Variants in WLS observed in about 807,000 individuals in gnomAD.
The protein encoded by WLS is Wnt ligand secretion mediator, also known as protein wntless homolog.
A neutral mutation model predicts 62.8 loss-of-function variants in WLS; 23 were observed. That is an observed-to-expected ratio of 0.37 (90% CI 0.26 to 0.52). The LOEUF is 0.52. WLS is among the 20% of genes least tolerant of loss of function. The pLI is 0.92. For missense variants in WLS, 615 were observed against 697.3 expected (o/e 0.88, Z 1.33); for synonymous variants, 246 against 244.1 (o/e 1.01, Z -0.07).
chr1:68,138,115 G>C, intron 10 of WLS, 182 bp from the exon 11 acceptor site: 1 of 710,320 alleles, frequency 1.4e-6, no homozygotes, highest in South Asian at 2.0e-5. Context: ...GTCAACTGAA[G>C]GTTCTCTAGC....
rs188091924 is a variant in WLS, at chr1:68,160,314, T to C, written c.380-1067A>G. On this transcript the variant is annotated intron_variant, in intron 2 of 11. Transcript: ENST00000262348. ...TTCTAAAAGTTGAGCAACTTTGTTTTTTTTTAATTGACTTAGCTCTAACCC... is the reference window on the plus strand; with the variant it reads ...TTCTAAAAGTTGAGCAACTTTGTTTCTTTTTAATTGACTTAGCTCTAACCC... 4.8e-4 allele frequency among the ~76,000 whole-genome samples: 73 copies of C among 152,296 alleles called. No individual in the cohort carries two copies. The East Asian group carries it at 0.013, about 28-fold the overall frequency.
intron 2 of WLS, among the ~76,000 whole-genome samples, chr1:68,178,944 G>T (rs948300107): frequency 6.6e-6 from 1 of 152,046 alleles, no homozygotes; most frequent in Non-Finnish European, 1.5e-5. Flanking sequence ...AACTCTTTGA[G>T]GTTATTTATA....
intron 2 of WLS, chr1:68,163,239 GT>G: frequency 1.8e-6 from 1 of 558,572 alleles, no homozygotes; most frequent in Non-Finnish European, 3.1e-6. Flanking sequence ...TAAATCTATA[GT>G]TCACACGATG....
intron 11 of WLS, among the ~76,000 whole-genome samples, chr1:68,127,756 C>T (rs1447164543): frequency 6.6e-6 from 1 of 152,146 alleles, no homozygotes; most frequent in Non-Finnish European, 1.5e-5. Context: ...ATTGAAATGC[C>T]ATACCATAAC....
At chr1:68,122,993 CA>C, downstream of WLS, among the ~76,000 whole-genome samples, 1 of 152,282 alleles carries the variant, frequency 6.6e-6, no homozygotes, top group East Asian at 1.9e-4. Context: ...CTCTTGGTCC[CA>C]AAACTCTGAT....
At chr1:68,165,362 C>G (rs1386207632) in intron 2 of WLS, among the ~76,000 whole-genome samples, 2 of 152,086 alleles carry the variant, frequency 1.3e-5, no homozygotes, top group Non-Finnish European at 2.9e-5. Context: ...AGAAGACTCC[C>G]AAGTGAAGGG....
intron 4 of WLS, 76 bp downstream of exon 4, chr1:68,155,023 G>T (rs1468519967): frequency 2.1e-6 from 3 of 1,449,908 alleles, no homozygotes; most frequent in East Asian, 2.4e-5. Context: ...GATGAGACAG[G>T]TGAGGCATAG....
intron 10 of WLS, among the ~76,000 whole-genome samples, chr1:68,140,460 G>A (rs1646669867): frequency 6.6e-6 from 1 of 152,088 alleles, no homozygotes; most frequent in Non-Finnish European, 1.5e-5. Context: ...TGTATAGTAT[G>A]CACTATATAT....
At chr1:68,100,892 G>GCACATGGGACACATGC (rs1646068356) in intron 11 of WLS, 1 of 152,174 alleles carries the variant, frequency 6.6e-6, no homozygotes, top group Non-Finnish European at 1.5e-5. Context: ...AGCCCACCAT[G>GCACATGGGACACATGC]AACATGGGAC....
chr1:68,124,645 G>A (rs967191216), downstream of WLS, among the ~76,000 whole-genome samples: 4 of 152,184 alleles, frequency 2.6e-5, no homozygotes, highest in East Asian at 7.7e-4. Flanking sequence ...TGGATATTGA[G>A]TGCACAGGAT....
chr1:68,228,844 A>C (rs1313266733), intron 1 of WLS, among the ~76,000 whole-genome samples: 1 of 11,558 alleles, frequency 8.7e-5, no homozygotes, highest in Non-Finnish European at 2.7e-4. Context: ...ACTGGTGCCA[A>C]AAAAAAAAAA....
At chr1:68,200,847 A>G (rs1648974153) in intron 1 of WLS, among the ~76,000 whole-genome samples, 1 of 152,176 alleles carries the variant, frequency 6.6e-6, no homozygotes, top group South Asian at 2.1e-4. Context: ...ACTTATATAA[A>G]ACATATTGAG....
At chr1:68,109,364 T>A (rs2100319932) in intron 11 of WLS, among the ~76,000 whole-genome samples, 1 of 152,272 alleles carries the variant, frequency 6.6e-6, no homozygotes, top group African/African-American at 2.4e-5. Context: ...TAAAATATGA[T>A]CAATGAAATA....
intron 2 of WLS, among the ~76,000 whole-genome samples, chr1:68,170,393 C>A (rs1410151532): frequency 6.6e-6 from 1 of 151,862 alleles, no homozygotes; most frequent in Non-Finnish European, 1.5e-5. Context: ...GTCTTGAACT[C>A]CCAACCTCAG....
intron 2 of WLS, among the ~76,000 whole-genome samples, chr1:68,175,058 A>T (rs774234401): frequency 1.3e-5 from 2 of 152,246 alleles, no homozygotes; most frequent in Non-Finnish European, 1.5e-5. Flanking sequence ...AGCTCATTCT[A>T]GGCTGAATCT....
chr1:68,167,520 G>A (rs1647077664), intron 2 of WLS, among the ~76,000 whole-genome samples: 1 of 152,164 alleles, frequency 6.6e-6, no homozygotes, highest in African/African-American at 2.4e-5. Flanking sequence ...AATCCAATTT[G>A]AACTCCCTGG....
chr1:68,132,558 T>C (rs1646542335), intron 11 of WLS, among the ~76,000 whole-genome samples: 1 of 152,178 alleles, frequency 6.6e-6, no homozygotes, highest in Non-Finnish European at 1.5e-5. Context: ...AAAACTGACA[T>C]CACACTGTAG....
rs753958149 is a variant in WLS at position 68,153,567 on chromosome 1, C to G, written c.753G>C (p.Trp251Cys). 1.9e-6 allele frequency: 3 copies of G among 1,614,174 alleles called. No homozygotes were observed. The South Asian group carries it at 3.3e-5, about 18-fold the overall frequency. Residue 251 changes from tryptophan to cysteine, a missense_variant, in exon 5 of 12, where the codon TGG (tryptophan) becomes TGC (cysteine). Trp to Cys is a radical substitution (Grantham distance 215). Transcript: ENST00000262348. Reference protein sequence around the residue: ...LTPSIFIIMVWYWRRITMMSR... With the variant: ...LTPSIFIIMVCYWRRITMMSR... ...ACATCATGGTGATCCTCCTCCAATA[C>G]CACACCATAATGATGAAGATGCTGG...
intron 2 of WLS, among the ~76,000 whole-genome samples, chr1:68,175,802 C>T (rs1458772080): frequency 6.6e-6 from 1 of 152,066 alleles, no homozygotes; most frequent in East Asian, 1.9e-4. Flanking sequence ...GAAATAACAC[C>T]GCATACCAGC....
Sources: gnomAD v4.1 joint callset for allele counts (sites outside exome capture counted in the v4.1 genomes callset) on GRCh38, gnomAD v4.1.1 for gene constraint, MANE v1.5 for transcripts, NCBI Gene and HGNC (gene_info 2026-07-23, HGNC 2026-07-21) for gene names.